UGT2A3: variants seen among roughly 807,000 people sequenced by gnomAD.
The protein encoded by UGT2A3 is UDP glucuronosyltransferase family 2 member A3, also known as UDP-glucuronosyltransferase 2A3.
Under a neutral mutation model 44.1 loss-of-function variants are expected in UGT2A3, and 55 were observed. That is an observed-to-expected ratio of 1.25 (90% CI 1.00 to 1.56). The LOEUF is 1.56. UGT2A3 is among the 40% of genes most tolerant of loss of function. UGT2A3 has a pLI of 0.00. For missense variants in UGT2A3, 733 were observed against 621.6 expected (o/e 1.18, Z -1.91); for synonymous variants, 243 against 215.1 (o/e 1.13, Z -1.13).
At chr4:68,942,439 G>C (rs1718224494) in intron 2 of UGT2A3, among the ~76,000 whole-genome samples, 1 of 138,158 alleles carries the variant, frequency 7.2e-6, no homozygotes, top group Non-Finnish European at 1.5e-5. Flanking sequence ...CATTCCATTA[G>C]ATATATATAA....
At chr4:68,934,000 T>C (rs895332564) in intron 2 of UGT2A3, among the ~76,000 whole-genome samples, 6 of 151,960 alleles carry the variant, frequency 3.9e-5, no homozygotes, top group African/African-American at 1.4e-4. Context: ...CTGAATCAGG[T>C]GGTTATCTTT....
In UGT2A3 at chr4:68,951,251, A is replaced by C. The variant is rs1385252767; in HGVS notation, c.510T>G (p.Leu170=). The C allele has an allele frequency of 1.6e-5, 25 of 1,611,572 alleles. No homozygotes were observed. The highest frequency in any genetic ancestry group is 2.1e-5 in the Non-Finnish European group (25 of 1,178,904). The change falls in exon 1 of 6, where the codon CTT becomes CTG. Residue 170 remains leucine, a synonymous_variant. Coordinates refer to ENST00000251566, the MANE Select transcript of UGT2A3 (RefSeq NM_024743.4). ...ELLAVPFVLT[L]RISVGGNMER... is the part of the protein sequence containing the mutation. The stretch of plus-strand genomic sequence containing the variant: ...CCATATTGCCTCCTACAGAAATTCT[A>C]AGTGTGAGCACAAAAGGGACTGCAA...
In UGT2A3 at chr4:68,951,117, G is replaced by T. The variant is rs1356691015; in HGVS notation, c.644C>A (p.Ser215Ter). The change falls in exon 1 of 6, where the codon TCA (serine) becomes TAA (stop). Residue 215 changes from serine (S) to a stop codon, truncating the protein, a stop_gained. Transcript: ENST00000251566. LOFTEE classifies it high-confidence loss of function. ...FLERVKNSML[S>*]VLFHFWIQDY... ...CTGAATCCAGAAGTGGAACAAAACTGAAAGCATTGAATTTTTTACTCTTTC... is the reference window on the plus strand; with the variant it reads ...CTGAATCCAGAAGTGGAACAAAACTTAAAGCATTGAATTTTTTACTCTTTC... 6.2e-7 allele frequency: 1 copy of T among 1,611,428 alleles called. No individual in the cohort carries two copies. Among genetic ancestry groups the T allele is most frequent in the Admixed American group, 1.7e-5 (1 of 59,680 alleles).
intron 2 of UGT2A3, among the ~76,000 whole-genome samples, chr4:68,944,999 G>T (rs1196828376): frequency 2.0e-5 from 3 of 151,632 alleles, no homozygotes; most frequent in Middle Eastern, 3.2e-3. Flanking sequence ...TGTGAGAAAG[G>T]CTAGAGCATT....
At position 68,945,301 on chromosome 4, in the gene UGT2A3, C is replaced by T. The variant is rs545918195; in HGVS notation, c.864+5G>A. On this transcript the variant is annotated splice_donor_5th_base_variant and intron_variant, in intron 2 of 5. Coordinates refer to ENST00000251566, the MANE Select transcript of UGT2A3 (RefSeq NM_024743.4). ...ACATAATATTCCTTAATACAATAGTCCTACCTTAGGCAAAGCTTTGGCAGG... is the reference window on the plus strand; with the variant it reads ...ACATAATATTCCTTAATACAATAGTTCTACCTTAGGCAAAGCTTTGGCAGG... 2.5e-6 allele frequency: 4 copies of T among 1,610,828 alleles called. No homozygotes were observed. The African/African-American group carries it at 4.0e-5, about 16-fold the overall frequency.
rs56737078 is a variant in UGT2A3, at chr4:68,936,888, C to CAAAAAAAAAAAAAAAAAAAAA, written c.865-4150_865-4130dup. Reference sequence around the variant, plus strand: ...GAAGATCTACAAAGTAAATGGAAAGCAAAAAAAAAAAAAAAAAAAAAGCAG... The same window carrying CAAAAAAAAAAAAAAAAAAAAA: ...GAAGATCTACAAAGTAAATGGAAAGCAAAAAAAAAAAAAAAAAAAAAAAAAAAAAAAAAAAAAAAAAAGCAG... On this transcript the variant is annotated intron_variant, in intron 2 of 5. Coordinates refer to ENST00000251566, the MANE Select transcript of UGT2A3 (RefSeq NM_024743.4). Among the ~76,000 whole-genome samples, 9 of 46,340 alleles carry CAAAAAAAAAAAAAAAAAAAAA rather than the reference C, an allele frequency of 1.9e-4. 1 individual carries two copies. The highest frequency in any genetic ancestry group is 3.3e-4 in the Admixed American group (1 of 2,996). The allele number at this position is 46,340 out of a possible 152,430, so 30.4% of individuals were successfully genotyped here. A position where few individuals can be genotyped will look rare whatever the true frequency, so the allele number is the denominator to read the frequency against.
At chr4:68,947,002 GT>G (rs1035996197) in intron 1 of UGT2A3, among the ~76,000 whole-genome samples, 1 of 151,638 alleles carries the variant, frequency 6.6e-6, no homozygotes, top group Non-Finnish European at 1.5e-5. Flanking sequence ...TTTTTCTGGT[GT>G]AGGGTCTTGC....
chr4:68,935,176 T>A (rs1577847000), intron 2 of UGT2A3, among the ~76,000 whole-genome samples: 1 of 149,284 alleles, frequency 6.7e-6, no homozygotes, highest in South Asian at 2.1e-4. Flanking sequence ...TTCCAAACCA[T>A]CAAAAAGTCA....
At chr4:68,943,657 G>A (rs974206046) in intron 2 of UGT2A3, among the ~76,000 whole-genome samples, 2 of 151,678 alleles carry the variant, frequency 1.3e-5, no homozygotes, top group African/African-American at 4.8e-5. Context: ...TTCCATACCA[G>A]AAGCAGGTCT....
intron 4 of UGT2A3, 77 bp from the exon 5 acceptor site, chr4:68,930,842 G>T: frequency 8.1e-7 from 1 of 1,229,486 alleles, no homozygotes; most frequent in Non-Finnish European, 1.1e-6. Flanking sequence ...CTACAGATGG[G>T]AATTACGAGA....
intron 2 of UGT2A3, among the ~76,000 whole-genome samples, chr4:68,944,444 A>T (rs1302353651): frequency 6.6e-6 from 1 of 151,870 alleles, no homozygotes; most frequent in African/African-American, 2.4e-5. Flanking sequence ...AGACATACTT[A>T]CAAAACTATT....
intron 2 of UGT2A3, among the ~76,000 whole-genome samples, chr4:68,934,960 T>A (rs1412685102): frequency 6.6e-6 from 1 of 151,422 alleles, no homozygotes; most frequent in African/African-American, 2.4e-5. Flanking sequence ...CATATGCCAA[T>A]AAATGGAAAA....
Position 68,951,751 on chromosome 4 carries a change from C to T in UGT2A3, c.10G>A (p.Asp4Asn). The change falls in exon 1 of 6, where the codon GAC becomes AAC. Residue 4 changes from aspartate (D) to asparagine (N), a missense_variant. Coordinates refer to ENST00000251566, the MANE Select transcript of UGT2A3 (RefSeq NM_024743.4). ...AGCAGAAATACCAAAGCTGACTTGT[C>T]AGACCTCATGATGGCAGTTCCCTCA... is the stretch of plus-strand genomic sequence containing the variant. The part of the protein sequence containing the change: MRS[D>N]KSALVFLLLQ... 6.3e-7 allele frequency: 1 copy of T among 1,586,020 alleles called. No individual in the cohort carries two copies. Among genetic ancestry groups the T allele is most frequent in the Non-Finnish European group, 8.6e-7 (1 of 1,166,496 alleles).
intron 1 of UGT2A3, 53 bp downstream of exon 1, chr4:68,950,993 T>A (rs1718561597): frequency 2.3e-6 from 3 of 1,307,932 alleles, no homozygotes; most frequent in Admixed American, 5.4e-5. Context: ...ATGACAATTT[T>A]TAAAAATATT....
intron 2 of UGT2A3, among the ~76,000 whole-genome samples, chr4:68,933,649 A>AT (rs1048297924): frequency 2.0e-4 from 31 of 152,180 alleles, no homozygotes; most frequent in African/African-American, 7.5e-4. Context: ...CTTTGGTTAG[A>AT]TTTTACAAAT....
At chr4:68,939,425 T>A (rs879570766) in intron 2 of UGT2A3, among the ~76,000 whole-genome samples, 14 of 151,994 alleles carry the variant, frequency 9.2e-5, no homozygotes, top group Non-Finnish European at 1.9e-4. Context: ...CTTTGACAAA[T>A]CTGACAAAAT....
At position 68,936,888 on chromosome 4, in the gene UGT2A3, C is replaced by CAAAAAA. The variant is rs56737078; in HGVS notation, c.865-4135_865-4130dup. Among the ~76,000 whole-genome samples, 169 of 46,306 alleles carry CAAAAAA rather than the reference C, an allele frequency of 3.6e-3. 5 individuals are homozygous for CAAAAAA. Among genetic ancestry groups the CAAAAAA allele is most frequent in the East Asian group, 9.4e-3 (12 of 1,276 alleles). 30.4% of individuals were successfully genotyped at this position (46,306 alleles called of 152,430 possible). A position where few individuals can be genotyped will look rare whatever the true frequency, so the allele number is the denominator to read the frequency against. On this transcript the variant is annotated intron_variant, in intron 2 of 5. Transcript: ENST00000251566. ...GAAGATCTACAAAGTAAATGGAAAG[C>CAAAAAA]AAAAAAAAAAAAAAAAAAAAAGCAG...
Position 68,950,940 on chromosome 4 carries a change from T to TA in UGT2A3, c.715+105dup. The TA allele has an allele frequency of 6.5e-6, 5 of 774,598 alleles. No individual in the cohort carries two copies. In the South Asian group the frequency reaches 8.9e-5, roughly 14 times the overall value. 48.0% of individuals were successfully genotyped at this position (774,598 alleles called of 1,614,324 possible). On this transcript the variant is annotated intron_variant, in intron 1 of 5. Transcript: ENST00000251566. ...TATGAAAAACAGCTACAACATTTTC[T>TA]AAAAAAACTCATTGACCTGCATATA...
intron 3 of UGT2A3, among the ~76,000 whole-genome samples, chr4:68,931,476 T>G (rs767253425): frequency 6.6e-6 from 1 of 151,986 alleles, no homozygotes; most frequent in Non-Finnish European, 1.5e-5. Context: ...TATTACCAAT[T>G]AAAAATATTT....
Sources: gnomAD v4.1 joint callset for allele counts (sites outside exome capture counted in the v4.1 genomes callset) on GRCh38, gnomAD v4.1.1 for gene constraint, MANE v1.5 for transcripts, NCBI Gene and HGNC (gene_info 2026-07-23, HGNC 2026-07-21) for gene names.